Variants in COL25A1 observed in about 807,000 individuals in gnomAD.
COL25A1 encodes the protein collagen type XXV alpha 1 chain.
A neutral mutation model predicts 128.4 loss-of-function variants in COL25A1; 103 were observed. That is an observed-to-expected ratio of 0.80 (90% confidence interval 0.68 to 0.94). The LOEUF is 0.94. Ranked by LOEUF, COL25A1 falls within the 40% of genes least tolerant of loss-of-function variation. The pLI, the probability that COL25A1 is intolerant of heterozygous loss-of-function variation, is 0.00. For synonymous variants in COL25A1, 279 were observed against 277.2 expected, an observed-to-expected ratio of 1.01 and a Z score of -0.06; for missense variants, 745 against 840.0, an observed-to-expected ratio of 0.89 and a Z score of 1.40.
chr4:109,205,990 A>G (rs1776954721), intron 3 of COL25A1, among the ~76,000 whole-genome samples: 1 of 152,152 alleles, frequency 6.6e-6, no homozygotes, highest in African/African-American at 2.4e-5. Context: ...CTCCTGGGCA[A>G]GCTAAATTCC....
intron 3 of COL25A1, among the ~76,000 whole-genome samples, chr4:109,202,566 T>C (rs902229384): frequency 1.3e-5 from 2 of 152,138 alleles, no homozygotes; most frequent in Non-Finnish European, 2.9e-5. Context: ...CATGAATTTT[T>C]AGATACAAAA....
intron 6 of COL25A1, among the ~76,000 whole-genome samples, chr4:109,004,575 G>A (rs1376300337): frequency 6.6e-6 from 1 of 152,096 alleles, no homozygotes; most frequent in East Asian, 1.9e-4. Flanking sequence ...TGGATCATGG[G>A]GGTGGATTTC....
intron 37 of COL25A1, among the ~76,000 whole-genome samples, chr4:108,815,025 A>G (rs1375032850): frequency 6.6e-6 from 1 of 152,182 alleles, no homozygotes; most frequent in Non-Finnish European, 1.5e-5. Flanking sequence ...TGTCATGCCA[A>G]TGCCAAAAAA....
chr4:108,910,516 A>T (rs949588343), intron 13 of COL25A1, among the ~76,000 whole-genome samples: 1 of 152,212 alleles, frequency 6.6e-6, no homozygotes, highest in Non-Finnish European at 1.5e-5. Context: ...AAAAATGAGG[A>T]AACTAAGGCT....
intron 3 of COL25A1, among the ~76,000 whole-genome samples, chr4:109,275,775 T>C (rs924170022): frequency 2.0e-4 from 30 of 152,222 alleles, no homozygotes; most frequent in African/African-American, 7.2e-4. Flanking sequence ...CTGTAAAGTT[T>C]TTTTTAGAAG....
intron 5 of COL25A1, among the ~76,000 whole-genome samples, chr4:109,047,575 A>T (rs1371875437): frequency 6.6e-6 from 1 of 152,170 alleles, no homozygotes; most frequent in Non-Finnish European, 1.5e-5. Flanking sequence ...AATCACTGCT[A>T]AAGAACATGT....
At chr4:109,158,821 TTA>T (rs1772276092) in intron 3 of COL25A1, among the ~76,000 whole-genome samples, 1 of 152,214 alleles carries the variant, frequency 6.6e-6, no homozygotes, top group South Asian at 2.1e-4. Context: ...GAAGAAATGG[TTA>T]TGTGTTGAAC....
chr4:109,075,950 G>A (rs1418250902), intron 3 of COL25A1, among the ~76,000 whole-genome samples: 1 of 151,932 alleles, frequency 6.6e-6, no homozygotes, highest in Non-Finnish European at 1.5e-5. Context: ...AAAATATTTG[G>A]GAAAAAAATT....
intron 22 of COL25A1, among the ~76,000 whole-genome samples, chr4:108,861,657 T>C (rs2125792282): frequency 6.6e-6 from 1 of 152,334 alleles, no homozygotes; most frequent in Admixed American, 6.5e-5. Context: ...TTACCTCAAC[T>C]GTAGAGCAGC....
At chr4:108,948,296 AAC>A (rs1487221366) in intron 8 of COL25A1, among the ~76,000 whole-genome samples, 1 of 152,202 alleles carries the variant, frequency 6.6e-6, no homozygotes, top group Non-Finnish European at 1.5e-5. Flanking sequence ...TATAAAGCTA[AAC>A]AGCTAAAGGA....
chr4:109,111,733 A>G (rs1767044000), intron 3 of COL25A1, among the ~76,000 whole-genome samples: 2 of 152,132 alleles, frequency 1.3e-5, no homozygotes, highest in African/African-American at 4.8e-5. Context: ...ATAAATTTCC[A>G]TCACACAGCT....
intron 3 of COL25A1, among the ~76,000 whole-genome samples, chr4:109,065,759 T>C (rs1762398457): frequency 6.6e-6 from 1 of 152,308 alleles, no homozygotes; most frequent in South Asian, 2.1e-4. Flanking sequence ...GTCTAATGAC[T>C]ATCTCTGGTC....
At position 108,845,255 on chromosome 4, in the gene COL25A1, T is replaced by A. The variant is rs753373753; in HGVS notation, c.1516-4A>T. ...CTCCTTTCATTCCATTGGCTCCCTA[T>A]AAATAACCATTAAGCAGAGTTAAGC... On this transcript the variant is annotated splice_polypyrimidine_tract_variant and splice_region_variant and intron_variant, in intron 28 of 37. Transcript: ENST00000399132. 6.2e-7 allele frequency: 1 copy of A among 1,612,396 alleles called. No homozygotes were observed. The highest frequency in any genetic ancestry group is 8.5e-7 in the Non-Finnish European group (1 of 1,178,366).
intron 3 of COL25A1, among the ~76,000 whole-genome samples, chr4:109,277,544 C>A: frequency 6.6e-6 from 1 of 152,040 alleles, no homozygotes; most frequent in East Asian, 1.9e-4. Context: ...TTAGATTTGT[C>A]CTATATGAAA....
rs769388868 is a variant in COL25A1, at chr4:108,813,954, C to A, written c.1963-25G>T. ...ACTGCAGAAAAAGACAACAAAAAGA[C>A]AAATACATGGAATTAGTAGTCTTGA... On this transcript the variant is annotated intron_variant, in intron 37 of 37. Coordinates refer to ENST00000399132, the MANE Select transcript of COL25A1 (RefSeq NM_198721.4). 5.7e-6 allele frequency: 9 copies of A among 1,572,978 alleles called. 1 individual carries two copies. In the South Asian group the frequency reaches 1.0e-4, roughly 18 times the overall value.
chr4:109,271,097 T>C (rs2126264902), intron 3 of COL25A1, among the ~76,000 whole-genome samples: 1 of 152,308 alleles, frequency 6.6e-6, no homozygotes, highest in Admixed American at 6.5e-5. Context: ...CCCCTTCCAC[T>C]GGCTACACCA....
intron 30 of COL25A1, among the ~76,000 whole-genome samples, chr4:108,842,214 T>A (rs1163441244): frequency 6.6e-6 from 1 of 152,182 alleles, no homozygotes; most frequent in African/African-American, 2.4e-5. Flanking sequence ...AGTGAGGAGA[T>A]GACACCCAAA....
intron 16 of COL25A1, among the ~76,000 whole-genome samples, chr4:108,891,579 A>T (rs899232996): frequency 2.0e-5 from 3 of 152,190 alleles, no homozygotes; most frequent in African/African-American, 7.2e-5. Context: ...ACTTTATCTC[A>T]TTTAAACCTC....
At chr4:109,064,423 A>C (rs1762239616) in intron 3 of COL25A1, among the ~76,000 whole-genome samples, 1 of 152,230 alleles carries the variant, frequency 6.6e-6, no homozygotes, top group African/African-American at 2.4e-5. Context: ...TAAATGGATA[A>C]TAAGTTGATG....
Sources: gnomAD v4.1 joint callset for allele counts (sites outside exome capture counted in the v4.1 genomes callset) on GRCh38, gnomAD v4.1.1 for gene constraint, MANE v1.5 for transcripts, NCBI Gene and HGNC (gene_info 2026-07-23, HGNC 2026-07-21) for gene names.